Variants in TCF4 observed in about 807,000 individuals in gnomAD.
The protein encoded by TCF4 is SL3-3 enhancer factor 2.
Under a neutral mutation model 82.1 loss-of-function variants are expected in TCF4, and 3 were observed. That is an observed-to-expected ratio of 0.04 (90% CI 0.02 to 0.09). TCF4 has a LOEUF of 0.09. Ranked by LOEUF, TCF4 falls within the 10% of genes least tolerant of loss-of-function variation. The pLI is 1.00. For missense variants in TCF4, 518 were observed against 852.7 expected, an observed-to-expected ratio of 0.61 and a Z score of 4.89; for synonymous variants, 276 against 309.6, an observed-to-expected ratio of 0.89 and a Z score of 1.14.
chr18:55,354,520 C>T (rs1324505903), intron 6 of TCF4, among the ~76,000 whole-genome samples: 1 of 152,118 alleles, frequency 6.6e-6, no homozygotes, highest in Non-Finnish European at 1.5e-5. Context: ...AACAGAAAAG[C>T]AGCATATATC....
chr18:55,443,837 C>A (rs1363656483), intron 5 of TCF4, among the ~76,000 whole-genome samples: 2 of 152,158 alleles, frequency 1.3e-5, no homozygotes, highest in African/African-American at 4.8e-5. Flanking sequence ...ACAATAGTAA[C>A]AGGGAAAAAT....
Position 55,260,009 on chromosome 18 carries a change from T to C in TCF4, c.1009A>G (p.Thr337Ala). 6.2e-7 allele frequency: 1 copy of C among 1,612,882 alleles called. No homozygotes were observed. The highest frequency in any genetic ancestry group is 8.5e-7 in the Non-Finnish European group (1 of 1,179,088). ...ALASIYSPDH[T>A]NNSFSSNPST... is the part of the protein sequence containing the mutation. ...GGGTTTGATGAAAAGCTGTTGTTAGTGTGATCTGGAGAATAGATCTTAAAA... is the reference window on the plus strand; with the variant it reads ...GGGTTTGATGAAAAGCTGTTGTTAGCGTGATCTGGAGAATAGATCTTAAAA... The change falls in exon 13 of 20, where the codon ACT (threonine) becomes GCT (alanine). Residue 337 changes from threonine (T) to alanine (A), a missense_variant. Coordinates refer to ENST00000354452, the MANE Select transcript of TCF4 (RefSeq NM_001083962.2).
intron 3 of TCF4, among the ~76,000 whole-genome samples, chr18:55,580,920 T>C (rs618869): frequency 0.9 from 137,277 of 151,980 alleles, 62,185 homozygotes; most frequent in East Asian, 1. Context: ...TTGCATCTCA[T>C]TAGGTTCTTG....
intron 8 of TCF4, among the ~76,000 whole-genome samples, chr18:55,316,371 T>C (rs1602384132): frequency 1.3e-5 from 2 of 152,142 alleles, no homozygotes; most frequent in Non-Finnish European, 2.9e-5. Flanking sequence ...GATGGCAGCA[T>C]GTAGACCATG....
chr18:55,316,336 CAA>C (rs2074124417), intron 8 of TCF4, among the ~76,000 whole-genome samples: 1 of 152,100 alleles, frequency 6.6e-6, no homozygotes, highest in South Asian at 2.1e-4. Flanking sequence ...AATGAGTAAA[CAA>C]GAGATTCATT....
At chr18:55,438,349 C>T (rs1356039421) in intron 5 of TCF4, among the ~76,000 whole-genome samples, 1 of 152,020 alleles carries the variant, frequency 6.6e-6, no homozygotes, top group Non-Finnish European at 1.5e-5. Context: ...TTGTCTCGCA[C>T]ATGTTAGTAC....
chr18:55,505,796 T>C (rs1479607551), intron 3 of TCF4, among the ~76,000 whole-genome samples: 1 of 97,030 alleles, frequency 1.0e-5, no homozygotes, highest in African/African-American at 4.4e-5. Context: ...AGAGCGAGAC[T>C]CCGTCTCAAA....
At chr18:55,425,162 C>T (rs1271440754) in intron 5 of TCF4, among the ~76,000 whole-genome samples, 1 of 152,148 alleles carries the variant, frequency 6.6e-6, no homozygotes, top group African/African-American at 2.4e-5. Context: ...AAATAGAGTA[C>T]AGGCTAAGTT....
intron 3 of TCF4, among the ~76,000 whole-genome samples, chr18:55,485,575 C>T (rs1012220559): frequency 2.0e-5 from 3 of 152,212 alleles, no homozygotes; most frequent in Non-Finnish European, 4.4e-5. Context: ...CTCCTGGTCC[C>T]TGTGGCCCTC....
At chr18:55,556,713 T>C (rs1294660177) in intron 3 of TCF4, among the ~76,000 whole-genome samples, 5 of 152,216 alleles carry the variant, frequency 3.3e-5, no homozygotes, top group Non-Finnish European at 7.3e-5. Flanking sequence ...ATGTGTATAT[T>C]ACCTTTATTT....
chr18:55,289,917 A>G (rs1020079625), intron 8 of TCF4, among the ~76,000 whole-genome samples: 1 of 152,280 alleles, frequency 6.6e-6, no homozygotes, highest in African/African-American at 2.4e-5. Flanking sequence ...GCTTGGACAT[A>G]TGTGTGTGTG....
intron 2 of TCF4, among the ~76,000 whole-genome samples, chr18:55,597,734 CAG>C (rs1372288762): frequency 6.6e-6 from 1 of 151,690 alleles, no homozygotes; most frequent in Non-Finnish European, 1.5e-5. Flanking sequence ...TTTTGGAAAA[CAG>C]ATAATCTTTT....
At chr18:55,577,799 T>C (rs1031320437) in intron 3 of TCF4, among the ~76,000 whole-genome samples, 22 of 152,276 alleles carry the variant, frequency 1.4e-4, no homozygotes, top group African/African-American at 4.8e-4. Flanking sequence ...AATGGGGCTT[T>C]GTCACCACCT....
At chr18:55,466,058 T>G (rs1411346681) in intron 3 of TCF4, among the ~76,000 whole-genome samples, 1 of 152,200 alleles carries the variant, frequency 6.6e-6, no homozygotes, top group Non-Finnish European at 1.5e-5. Flanking sequence ...GTGGGGCTTT[T>G]GCATCCCAAA....
At chr18:55,301,828 G>T (rs2068419925) in intron 8 of TCF4, among the ~76,000 whole-genome samples, 1 of 148,252 alleles carries the variant, frequency 6.7e-6, no homozygotes, top group African/African-American at 2.5e-5. Context: ...GGGGGATTCG[G>T]GTGGGGGAGA....
intron 3 of TCF4, among the ~76,000 whole-genome samples, chr18:55,514,562 A>C (rs951539460): frequency 6.6e-6 from 1 of 152,198 alleles, no homozygotes; most frequent in Non-Finnish European, 1.5e-5. Context: ...AAATCATTAA[A>C]TATAAAAATT....
intron 2 of TCF4, among the ~76,000 whole-genome samples, chr18:55,604,405 G>C (rs1204558695): frequency 6.6e-6 from 1 of 152,032 alleles, no homozygotes; most frequent in Non-Finnish European, 1.5e-5. Flanking sequence ...CTCTGGTGGG[G>C]GTGAGATGGG....
At chr18:55,607,410 C>A (rs1241326816) in intron 2 of TCF4, among the ~76,000 whole-genome samples, 1 of 152,084 alleles carries the variant, frequency 6.6e-6, no homozygotes, top group East Asian at 1.9e-4. Context: ...AGATTTCTCC[C>A]ATGTTACAAG....
chr18:55,357,038 A>G (rs929958957), intron 6 of TCF4, among the ~76,000 whole-genome samples: 4 of 152,194 alleles, frequency 2.6e-5, no homozygotes, highest in African/African-American at 7.2e-5. Context: ...AGTAACAGTC[A>G]AGTAAAGACT....
Sources: gnomAD v4.1 joint callset for allele counts (sites outside exome capture counted in the v4.1 genomes callset) on GRCh38, gnomAD v4.1.1 for gene constraint, MANE v1.5 for transcripts, NCBI Gene and HGNC (gene_info 2026-07-23, HGNC 2026-07-21) for gene names.